EEF1AKMT1: variants seen among roughly 807,000 people sequenced by gnomAD.
EEF1AKMT1 encodes N-6 adenine-specific DNA methyltransferase 2 (putative).
In EEF1AKMT1, 18 loss-of-function variants were observed where a neutral mutation model predicts 21.0. That is an observed-to-expected ratio of 0.86 (90% CI 0.59 to 1.27). The LOEUF is 1.27. Ranked by LOEUF, EEF1AKMT1 falls within the 50% of genes most tolerant of loss-of-function variation. The pLI, the probability that EEF1AKMT1 is intolerant of heterozygous loss-of-function variation, is 0.00. For synonymous variants in EEF1AKMT1, 109 were observed against 94.8 expected, an observed-to-expected ratio of 1.15 and a Z score of -0.87; for missense variants, 246 against 258.6, an observed-to-expected ratio of 0.95 and a Z score of 0.33.
chr13:20,763,173 G>A (rs1467649659), intron 1 of EEF1AKMT1, among the ~76,000 whole-genome samples: 1 of 152,118 alleles, frequency 6.6e-6, no homozygotes, highest in African/African-American at 2.4e-5. Flanking sequence ...AACTAGAAAT[G>A]TCTCCTCTTC....
chr13:20,740,648 A>G (rs1237736593), intron 2 of EEF1AKMT1, among the ~76,000 whole-genome samples: 1 of 152,150 alleles, frequency 6.6e-6, no homozygotes, highest in East Asian at 1.9e-4. Context: ...CTAAAAATAC[A>G]AAATATTAGC....
rs777093830 is a variant in EEF1AKMT1, at chr13:20,729,045, C to G, written c.*35G>C. ...CGAAAATACAAAAAGAGGAATGTGA[C>G]AGGGTTCCTTCCTGTGTTATGTCAC... On this transcript the variant is annotated 3_prime_UTR_variant, in exon 5 of 5. Coordinates refer to ENST00000382758, the MANE Select transcript of EEF1AKMT1 (RefSeq NM_001318939.2). The G allele has an allele frequency of 5.6e-6, 9 of 1,612,472 alleles. No homozygotes were observed. The highest frequency in any genetic ancestry group is 7.6e-6 in the Non-Finnish European group (9 of 1,178,834).
At chr13:20,759,542 T>C (rs1831371314) in intron 1 of EEF1AKMT1, among the ~76,000 whole-genome samples, 1 of 151,102 alleles carries the variant, frequency 6.6e-6, no homozygotes, top group African/African-American at 2.4e-5. Flanking sequence ...ATGGCGCTAC[T>C]GCACTCCAGC....
chr13:20,739,050 C>T (rs543665975), intron 2 of EEF1AKMT1, among the ~76,000 whole-genome samples: 2 of 152,226 alleles, frequency 1.3e-5, no homozygotes, highest in African/African-American at 4.8e-5. Flanking sequence ...TTCAAAGTTT[C>T]TTCCTCCTGG....
intron 1 of EEF1AKMT1, among the ~76,000 whole-genome samples, chr13:20,761,965 T>C (rs1378600800): frequency 2.0e-5 from 3 of 152,122 alleles, no homozygotes; most frequent in African/African-American, 4.8e-5. Flanking sequence ...CTGAGTGTGA[T>C]GGCATGTGCC....
At chr13:20,767,735 T>A (rs1182329857) in intron 1 of EEF1AKMT1, among the ~76,000 whole-genome samples, 1 of 152,210 alleles carries the variant, frequency 6.6e-6, no homozygotes, top group Non-Finnish European at 1.5e-5. Context: ...CCAAGTAATC[T>A]TCTGCTGCCC....
chr13:20,757,094 G>C (rs2058975782), intron 2 of EEF1AKMT1: 2 of 171,364 alleles, frequency 1.2e-5, no homozygotes, highest in Non-Finnish European at 2.5e-5. Flanking sequence ...AGCCAAGCTG[G>C]GGCACACCAG....
intron 2 of EEF1AKMT1, 193 bp downstream of exon 2, chr13:20,757,262 C>T (rs771863508): frequency 2.1e-6 from 1 of 469,598 alleles, no homozygotes; most frequent in Non-Finnish European, 3.7e-6. Context: ...AACAGCTGTT[C>T]AAGAAAAGCT....
Position 20,771,678 on chromosome 13 carries a change from G to A in EEF1AKMT1, c.-20+2243C>T, listed in dbSNP as rs889944310. 1.8e-4 allele frequency among the ~76,000 whole-genome samples: 28 copies of A among 152,306 alleles called. No homozygotes were observed. The East Asian group carries it at 4.2e-3, about 23-fold the overall frequency. ...TCAAAAGTGCATCACTTCTTCTAAT[G>A]AGGAAAACTGAAATCTGTTAGCAAG... On this transcript the variant is annotated intron_variant, in intron 1 of 4. Transcript: ENST00000382758.
At chr13:20,750,321 A>G (rs1024015746) in intron 2 of EEF1AKMT1, among the ~76,000 whole-genome samples, 12 of 151,660 alleles carry the variant, frequency 7.9e-5, no homozygotes, top group Non-Finnish European at 1.2e-4. Flanking sequence ...ATATGGTTGT[A>G]CTCATTTACC....
chr13:20,740,543 G>A (rs970771009), intron 2 of EEF1AKMT1, among the ~76,000 whole-genome samples: 3 of 152,210 alleles, frequency 2.0e-5, no homozygotes, highest in East Asian at 1.9e-4. Context: ...GGTGGCTCAC[G>A]CCTGTAATCC....
intron 3 of EEF1AKMT1, among the ~76,000 whole-genome samples, chr13:20,736,130 T>C (rs2058824574): frequency 6.6e-6 from 1 of 152,070 alleles, no homozygotes; most frequent in Non-Finnish European, 1.5e-5. Flanking sequence ...CCCAGGACAA[T>C]AGATAAAAAC....
intron 2 of EEF1AKMT1, among the ~76,000 whole-genome samples, chr13:20,739,025 T>C (rs137990584): frequency 5.6e-4 from 85 of 152,292 alleles, no homozygotes; most frequent in African/African-American, 1.9e-3. Context: ...TCCTTCCTTC[T>C]GATGTTCAGA....
chr13:20,763,529 G>A (rs2059012065), intron 1 of EEF1AKMT1, among the ~76,000 whole-genome samples: 2 of 151,088 alleles, frequency 1.3e-5, no homozygotes, highest in Middle Eastern at 3.4e-3. Flanking sequence ...CTCAGCTCAC[G>A]GCAACCTCCG....
At position 20,732,026 on chromosome 13, in the gene EEF1AKMT1, A is replaced by G; in HGVS notation, c.323T>C (p.Phe108Ser). 3 of 1,614,230 alleles carry G rather than the reference A, an allele frequency of 1.9e-6. No individual in the cohort carries two copies. Among genetic ancestry groups the G allele is most frequent in the Non-Finnish European group, 1.7e-6 (2 of 1,180,044 alleles). ...AATAAACTCCTCTCCATACATGGCA[A>G]ATCTTTTGTCATATTCAAAGATGTA... ...SIYIFEYDKR[F>S]AMYGEEFIFY... Residue 108 changes from phenylalanine (F) to serine (S), a missense_variant, in exon 4 of 5, where the codon TTT becomes TCT. Transcript: ENST00000382758.
intron 1 of EEF1AKMT1, among the ~76,000 whole-genome samples, chr13:20,767,758 G>A (rs1040838297): frequency 2.0e-5 from 3 of 152,090 alleles, no homozygotes; most frequent in Non-Finnish European, 2.9e-5. Flanking sequence ...CCCTTTCAGG[G>A]ACTCCAATTA....
intron 4 of EEF1AKMT1, among the ~76,000 whole-genome samples, chr13:20,730,660 G>T (rs775294931): frequency 6.6e-6 from 1 of 152,050 alleles, no homozygotes; most frequent in East Asian, 1.9e-4. Context: ...GTGGGGACTT[G>T]GAGAACTTTT....
intron 1 of EEF1AKMT1, among the ~76,000 whole-genome samples, chr13:20,762,381 G>A (rs2059005804): frequency 6.6e-6 from 1 of 151,602 alleles, no homozygotes; most frequent in African/African-American, 2.4e-5. Flanking sequence ...GTAGAGATGG[G>A]GTTTCACATG....
chr13:20,767,666 T>C (rs947686969), intron 1 of EEF1AKMT1, among the ~76,000 whole-genome samples: 1 of 152,146 alleles, frequency 6.6e-6, no homozygotes, highest in African/African-American at 2.4e-5. Flanking sequence ...TTTTACACGT[T>C]TCTTGTATTT....
Sources: allele counts gnomAD v4.1 joint callset (sites outside exome capture counted in the v4.1 genomes callset), GRCh38; gene constraint gnomAD v4.1.1; transcripts MANE v1.5; gene names NCBI Gene and HGNC (gene_info 2026-07-23, HGNC 2026-07-21).